LAT2: variants seen among roughly 807,000 people sequenced by gnomAD.
LAT2 encodes linker for activation of T-cells family member 2.
In LAT2, 23 loss-of-function variants were observed where a neutral mutation model predicts 43.4. The observed-to-expected ratio is 0.53, with a 90% CI of 0.38 to 0.75. LAT2 has a LOEUF of 0.75. LAT2 is among the 30% of genes least tolerant of loss of function. The probability of loss-of-function intolerance (pLI) is 0.00; values close to 1 mark genes in which losing one functional copy is unlikely to be tolerated. For missense variants in LAT2, 284 were observed against 310.2 expected (o/e 0.92, Z 0.64); for synonymous variants, 128 against 123.2 (o/e 1.04, Z -0.26).
chr7:74,222,781 G>T (rs1554715512), intron 10 of LAT2, among the ~76,000 whole-genome samples: 1 of 152,070 alleles, frequency 6.6e-6, no homozygotes, highest in Non-Finnish European at 1.5e-5. Flanking sequence ...CACCATATTG[G>T]CCAGGCTGGT....
Position 74,219,805 on chromosome 7 carries a change from C to T in LAT2, c.178+18C>T. On this transcript the variant is annotated intron_variant, in intron 5 of 13. Coordinates refer to ENST00000460943, the MANE Select transcript of LAT2 (RefSeq NM_032464.3). ...CTACTCCTGTGAGTCTCCAAGTGTC[C>T]CCGGGTTGGGCTCTGGGTTGGGGGT... The T allele has an allele frequency of 6.2e-7, 1 of 1,613,994 alleles. No individual in the cohort carries two copies. The highest frequency in any genetic ancestry group is 8.5e-7 in the Non-Finnish European group (1 of 1,179,990).
chr7:74,211,506 G>C (rs1554713155), intron 1 of LAT2, among the ~76,000 whole-genome samples: 1 of 151,756 alleles, frequency 6.6e-6, no homozygotes, highest in African/African-American at 2.4e-5. Flanking sequence ...TCCCAGGCTG[G>C]GAGTGCAGTG....
chr7:74,214,718 TAAAA>T (rs1270617261), intron 1 of LAT2, 100 bp from the exon 2 acceptor site: 3 of 101,104 alleles, frequency 3.0e-5, no homozygotes, highest in African/African-American at 9.0e-5. Context: ...TAAATATATA[TAAAA>T]ATATAAATAT....
rs1299078449 is a variant in LAT2, at chr7:74,220,879, C to T, written c.332+145C>T. Reference sequence around the variant, plus strand: ...AACCACCTCTTGCACTAGAACGAGGCATCCAGGTTCCCCTCCTTCTCCTGG... The same window carrying T: ...AACCACCTCTTGCACTAGAACGAGGTATCCAGGTTCCCCTCCTTCTCCTGG... On this transcript the variant is annotated intron_variant, in intron 9 of 13. Transcript: ENST00000460943. The surrounding 1 kb of genome is among the most constrained non-coding windows in gnomAD (Gnocchi z 4.5). 1 of 671,390 alleles carries T rather than the reference C, an allele frequency of 1.5e-6. No individual in the cohort carries two copies. The allele number at this position is 671,390 out of a possible 1,614,324, so 41.6% of individuals were successfully genotyped here. A position where few individuals can be genotyped will look rare whatever the true frequency, so the allele number is the denominator to read the frequency against.
At chr7:74,217,095 T>G (rs1441073942) in intron 4 of LAT2, among the ~76,000 whole-genome samples, 2 of 152,060 alleles carry the variant, frequency 1.3e-5, no homozygotes, top group African/African-American at 4.8e-5. Flanking sequence ...GCCTGGGCTG[T>G]GGGGCTAGCC....
Position 74,219,009 on chromosome 7 carries a change from C to CTTTTTTTTT in LAT2, c.135-705_135-697dup. Reference sequence around the variant, plus strand: ...CACCATGCCGGGTCTAGAGTGTGTGCTTTTTTTTTTTTTTTTTTTTTTTTT... The same window carrying CTTTTTTTTT: ...CACCATGCCGGGTCTAGAGTGTGTGCTTTTTTTTTTTTTTTTTTTTTTTTTTTTTTTTTT... On this transcript the variant is annotated intron_variant, in intron 4 of 13. Transcript: ENST00000460943. Among the ~76,000 whole-genome samples, 3 of 48,804 alleles carry CTTTTTTTTT rather than the reference C, an allele frequency of 6.1e-5. 1 individual carries two copies. Among genetic ancestry groups the CTTTTTTTTT allele is most frequent in the Non-Finnish European group, 1.2e-4 (3 of 25,700 alleles). 32.0% of individuals were successfully genotyped at this position (48,804 alleles called of 152,430 possible).
At chr7:74,210,262 G>T (rs1554712946) in intron 1 of LAT2, among the ~76,000 whole-genome samples, 174 bp downstream of exon 1, 1 of 152,108 alleles carries the variant, frequency 6.6e-6, no homozygotes, top group Non-Finnish European at 1.5e-5. Context: ...TTGTTTCTGG[G>T]CTTCTGGCCA....
rs1433986081 is a variant in LAT2, at chr7:74,219,010, T to C, written c.135-734T>C. On this transcript the variant is annotated intron_variant, in intron 4 of 13. Coordinates refer to ENST00000460943, the MANE Select transcript of LAT2 (RefSeq NM_032464.3). ...ACCATGCCGGGTCTAGAGTGTGTGCTTTTTTTTTTTTTTTTTTTTTTTTTT... is the reference window on the plus strand; with the variant it reads ...ACCATGCCGGGTCTAGAGTGTGTGCCTTTTTTTTTTTTTTTTTTTTTTTTT... Among the ~76,000 whole-genome samples the C allele has an allele frequency of 3.0e-4, 5 of 16,396 alleles. 1 individual carries two copies. The highest frequency in any genetic ancestry group is 1.0e-3 in the African/African-American group (3 of 2,886). The allele number at this position is 16,396 out of a possible 152,430, so 10.8% of individuals were successfully genotyped here. A position where few individuals can be genotyped will look rare whatever the true frequency, so the allele number is the denominator to read the frequency against.
intron 1 of LAT2, 46 bp from the exon 2 acceptor site, chr7:74,214,776 A>AAC (rs1563968786): frequency 6.7e-4 from 41 of 60,922 alleles, no homozygotes; most frequent in African/African-American, 3.1e-3. Flanking sequence ...TATATATATA[A>AAC]ATATATATAT....
chr7:74,221,661 C>T lies in LAT2; in HGVS notation c.357C>T (p.Tyr119=). 1 of 1,613,310 alleles carries T rather than the reference C, an allele frequency of 6.2e-7. No individual in the cohort carries two copies. Among genetic ancestry groups the T allele is most frequent in the Non-Finnish European group, 8.5e-7 (1 of 1,179,604 alleles). ...GAGACCCCATTGCCATGGAGTATTA[C>T]AACTGGGGGCGGTTCTCGAAGCCCC... ...AYIDPIAMEY[Y]NWGRFSKPPE... is the part of the protein sequence containing the mutation. The change falls in exon 10 of 14, where the codon TAC becomes TAT. Residue 119 remains tyrosine, a synonymous_variant. Transcript: ENST00000460943.
intron 2 of LAT2, 84 bp downstream of exon 2, chr7:74,215,094 G>T (rs536474587): frequency 6.6e-6 from 1 of 152,090 alleles, no homozygotes; most frequent in South Asian, 2.1e-4. Context: ...CCGAGAAGCC[G>T]GTCAGGTGCC....
In LAT2 at chr7:74,224,119, C is replaced by G. The variant is rs781885001; in HGVS notation, c.550C>G (p.Pro184Ala). Residue 184 changes from proline (P) to alanine (A), a missense_variant, in exon 12 of 14, where the codon CCG becomes GCG. Transcript: ENST00000460943. ...PTSGLCPSAS[P>A]EEDEESEDYQ... ...TTCTGGTCTCTGTCCCTCTGCCTCCCCGGAAGAAGATGAGGAATCTGAGGA... is the reference window on the plus strand; with the variant it reads ...TTCTGGTCTCTGTCCCTCTGCCTCCGCGGAAGAAGATGAGGAATCTGAGGA... 2 of 1,614,078 alleles carry G rather than the reference C, an allele frequency of 1.2e-6. No individual in the cohort carries two copies. Among genetic ancestry groups the G allele is most frequent in the Non-Finnish European group, 1.7e-6 (2 of 1,180,034 alleles).
rs1213369829 is a variant in LAT2, at chr7:74,215,470, C to T, written c.-30+460C>T. 5.9e-5 allele frequency among the ~76,000 whole-genome samples: 9 copies of T among 152,274 alleles called. No homozygotes were observed. In the East Asian group the frequency reaches 1.7e-3, roughly 29 times the overall value. ...CGTGAGTGGTGGCCACAGACTGTCA[C>T]CTCCAGGAGCCAGGGTGGGTTTACT... On this transcript the variant is annotated intron_variant, in intron 2 of 13. Coordinates refer to ENST00000460943, the MANE Select transcript of LAT2 (RefSeq NM_032464.3).
intron 10 of LAT2, among the ~76,000 whole-genome samples, chr7:74,222,494 G>C (rs1554715462): frequency 6.6e-6 from 1 of 151,946 alleles, no homozygotes; most frequent in African/African-American, 2.4e-5. Context: ...TTTGAATCCA[G>C]CTCCATGACC....
chr7:74,219,050 G>C (rs1802155041), intron 4 of LAT2, among the ~76,000 whole-genome samples: 1 of 72,346 alleles, frequency 1.4e-5, no homozygotes, highest in Non-Finnish European at 2.6e-5. Context: ...TTTTTTTTGA[G>C]ACGGAGTCTC....
chr7:74,218,700 C>A (rs574496462), intron 4 of LAT2, among the ~76,000 whole-genome samples: 10 of 152,156 alleles, frequency 6.6e-5, no homozygotes, highest in Non-Finnish European at 1.3e-4. Flanking sequence ...TTATTTATTT[C>A]TTTATTTATT....
Position 74,219,009 on chromosome 7 carries a change from C to CTTTTTT in LAT2, c.135-702_135-697dup, listed in dbSNP as rs781806954. 1.4e-4 allele frequency among the ~76,000 whole-genome samples: 7 copies of CTTTTTT among 48,802 alleles called. 2 individuals are homozygous for CTTTTTT. The highest frequency in any genetic ancestry group is 1.4e-4 in the African/African-American group (2 of 13,922). 32.0% of individuals were successfully genotyped at this position (48,802 alleles called of 152,430 possible). ...CACCATGCCGGGTCTAGAGTGTGTG[C>CTTTTTT]TTTTTTTTTTTTTTTTTTTTTTTTT... On this transcript the variant is annotated intron_variant, in intron 4 of 13. Coordinates refer to ENST00000460943, the MANE Select transcript of LAT2 (RefSeq NM_032464.3).
chr7:74,221,197 C>T (rs1404206655), intron 9 of LAT2, among the ~76,000 whole-genome samples: 1 of 152,014 alleles, frequency 6.6e-6, no homozygotes, highest in Non-Finnish European at 1.5e-5. Context: ...AGGCAGATCA[C>T]CTGAGGCCAG....
chr7:74,220,160 T>TG lies in LAT2; in HGVS notation c.228-51dup, dbSNP rs1244449005. 2.4e-5 allele frequency: 37 copies of TG among 1,567,670 alleles called. No homozygotes were observed. In the East Asian group the frequency reaches 7.4e-4, roughly 31 times the overall value. ...ACAAGGGGTATGGGGGGATGTGTCC[T>TG]GGGGGGCCTCTCCCCTACAGCCCCT... On this transcript the variant is annotated intron_variant, in intron 6 of 13. Coordinates refer to ENST00000460943, the MANE Select transcript of LAT2 (RefSeq NM_032464.3). This position sits in a 1 kb window ranked among gnomAD's most constrained non-coding sequence, Gnocchi z 4.5.
Sources: gnomAD v4.1 joint callset for allele counts (sites outside exome capture counted in the v4.1 genomes callset) on GRCh38, gnomAD v4.1.1 for gene constraint, Gnocchi (gnomAD v3.1) non-coding constraint, MANE v1.5 for transcripts, NCBI Gene and HGNC (gene_info 2026-07-23, HGNC 2026-07-21) for gene names.